The following HTR1E variants were observed in gnomAD, a reference collection of about 807,000 sequenced individuals.
HTR1E encodes 5-hydroxytryptamine receptor 1E.
Under a neutral mutation model 3.4 loss-of-function variants are expected in HTR1E, and 3 were observed. The ratio of observed to expected loss-of-function variants is 0.89; its 90% CI spans 0.41 to 2.31. The LOEUF (loss-of-function observed/expected upper bound fraction) is 2.31, where lower values mean the gene tolerates loss of function less well. Ranked by LOEUF, HTR1E falls within the 30% of genes most tolerant of loss-of-function variation. The probability of loss-of-function intolerance (pLI) is 0.05; values close to 1 mark genes in which losing one functional copy is unlikely to be tolerated. For synonymous variants in HTR1E, 170 were observed against 182.8 expected (o/e 0.93, Z 0.56); for missense variants, 392 against 467.0 (o/e 0.84, Z 1.48).
chr6:86,957,905 G>A (rs896743484), intron 1 of HTR1E, among the ~76,000 whole-genome samples: 1 of 152,206 alleles, frequency 6.6e-6, no homozygotes, highest in African/African-American at 2.4e-5. Context: ...AGTGGAGTGT[G>A]AGCAGAGAGG....
chr6:86,969,995 G>A (rs1767526901), intron 1 of HTR1E, among the ~76,000 whole-genome samples: 1 of 152,128 alleles, frequency 6.6e-6, no homozygotes, highest in Non-Finnish European at 1.5e-5. Context: ...CTGAAGCCCT[G>A]GATCAAACTG....
At position 87,016,502 on chromosome 6, in the gene HTR1E, TATTA is replaced by T; in HGVS notation, c.*74_*77del. The T allele has an allele frequency of 7.7e-7, 1 of 1,302,782 alleles. No homozygotes were observed. The allele number at this position is 1,302,782 out of a possible 1,614,324, so 80.7% of individuals were successfully genotyped here. A position where few individuals can be genotyped will look rare whatever the true frequency, so the allele number is the denominator to read the frequency against. ...GTGGATGGGGGTAAGGGGTGCAACTTATTAATTCTTGAACATACTTGGTTCAGGA... is the reference window on the plus strand; with the variant it reads ...GTGGATGGGGGTAAGGGGTGCAACTTATTCTTGAACATACTTGGTTCAGGA... On this transcript the variant is annotated 3_prime_UTR_variant, in exon 2 of 2. Transcript: ENST00000305344.
intron 1 of HTR1E, among the ~76,000 whole-genome samples, chr6:86,968,345 C>T (rs1228075848): frequency 6.6e-6 from 1 of 152,192 alleles, no homozygotes; most frequent in Non-Finnish European, 1.5e-5. Context: ...AGTGGAATTG[C>T]TGAGCCAAAG....
intron 1 of HTR1E, among the ~76,000 whole-genome samples, chr6:86,996,944 G>C (rs1767948298): frequency 1.3e-5 from 2 of 151,860 alleles, no homozygotes; most frequent in Admixed American, 1.3e-4. Context: ...TATCTTCCAT[G>C]AATATAGACA....
intron 1 of HTR1E, among the ~76,000 whole-genome samples, chr6:86,973,509 G>A (rs138315081): frequency 6.6e-6 from 1 of 152,114 alleles, no homozygotes; most frequent in Admixed American, 6.6e-5. Context: ...AAGAGATAGA[G>A]CACTGTAACC....
intron 1 of HTR1E, among the ~76,000 whole-genome samples, chr6:86,952,794 A>G (rs905713457): frequency 2.0e-5 from 3 of 152,200 alleles, no homozygotes; most frequent in African/African-American, 7.2e-5. Flanking sequence ...GAATGGTAAA[A>G]TTAGAAAGTT....
Position 86,937,628 on chromosome 6 carries a change from G to A in HTR1E, c.-381G>A, listed in dbSNP as rs1209279728. 1 of 152,810 alleles carries A rather than the reference G, an allele frequency of 6.5e-6. No homozygotes were observed. Among genetic ancestry groups the A allele is most frequent in the Non-Finnish European group, 1.5e-5 (1 of 68,174 alleles). 9.5% of individuals were successfully genotyped at this position (152,810 alleles called of 1,614,324 possible). ...CCCAGGTTCTGTCTCGCCGCACCCC[G>A]GCGGGCACTGGCGCGGGCAAGGACG... On this transcript the variant is annotated 5_prime_UTR_variant, in exon 1 of 2. Transcript: ENST00000305344.
intron 1 of HTR1E, among the ~76,000 whole-genome samples, chr6:86,986,321 T>A (rs1767786146): frequency 6.6e-6 from 1 of 151,950 alleles, no homozygotes; most frequent in Non-Finnish European, 1.5e-5. Flanking sequence ...TTATATAGGG[T>A]CACAATTCTA....
At chr6:86,961,710 C>T (rs939916420) in intron 1 of HTR1E, among the ~76,000 whole-genome samples, 1 of 152,294 alleles carries the variant, frequency 6.6e-6, no homozygotes, top group East Asian at 1.9e-4. Context: ...CTTTGAGCAC[C>T]GACTATAACC....
chr6:87,013,440 A>G (rs1218384219), intron 1 of HTR1E, among the ~76,000 whole-genome samples: 3 of 152,184 alleles, frequency 2.0e-5, no homozygotes, highest in South Asian at 2.1e-4. Context: ...CAAATCCCCA[A>G]AAAGGTCCTC....
In HTR1E at chr6:86,940,334, G is replaced by A. The variant is rs144449906; in HGVS notation, c.-186+2511G>A. ...GAGGATCACATGAGCCCATGAGTTC[G>A]AGACCAGCCTGAGCAAAATAATGAG... On this transcript the variant is annotated intron_variant, in intron 1 of 1. Coordinates refer to ENST00000305344, the MANE Select transcript of HTR1E (RefSeq NM_000865.3). Among the ~76,000 whole-genome samples, 1,195 of 152,120 alleles carry A rather than the reference G, an allele frequency of 7.9e-3. 19 individuals carry two copies. The highest frequency in any genetic ancestry group is 0.027 in the African/African-American group (1,123 of 41,512).
intron 1 of HTR1E, among the ~76,000 whole-genome samples, chr6:86,988,285 A>G (rs1767821234): frequency 6.6e-6 from 1 of 152,162 alleles, no homozygotes; most frequent in African/African-American, 2.4e-5. Flanking sequence ...TTACCACGGG[A>G]AGTACACTGC....
At chr6:87,005,455 T>A (rs922037960) in intron 1 of HTR1E, among the ~76,000 whole-genome samples, 1 of 152,134 alleles carries the variant, frequency 6.6e-6, no homozygotes, top group Non-Finnish European at 1.5e-5. Context: ...ATGAACTTAT[T>A]TTTGACAAAA....
At chr6:86,956,603 C>T (rs1231300231) in intron 1 of HTR1E, among the ~76,000 whole-genome samples, 2 of 152,066 alleles carry the variant, frequency 1.3e-5, no homozygotes, top group Non-Finnish European at 2.9e-5. Flanking sequence ...AACTTCTGAC[C>T]CCCTAAAATG....
chr6:86,971,955 T>TA (rs200059278), intron 1 of HTR1E, among the ~76,000 whole-genome samples: 2,387 of 152,300 alleles, frequency 0.016, 64 homozygotes, highest in African/African-American at 0.053. Flanking sequence ...AAAATTTACT[T>TA]AGTGTAATCT....
At chr6:86,952,498 G>GACACACACACAC (rs149359215) in intron 1 of HTR1E, among the ~76,000 whole-genome samples, 1 of 146,944 alleles carries the variant, frequency 6.8e-6, no homozygotes, top group African/African-American at 2.5e-5. Flanking sequence ...CACACACACA[G>GACACACACACAC]ACACACACAC....
chr6:86,971,058 A>C (rs1435198436), intron 1 of HTR1E: 17 of 510,966 alleles, frequency 3.3e-5, no homozygotes, highest in Admixed American at 3.2e-4. Flanking sequence ...TCAAAGAAGC[A>C]AATAACTTCC....
At chr6:86,964,769 T>C (rs964729649) in intron 1 of HTR1E, among the ~76,000 whole-genome samples, 1 of 152,208 alleles carries the variant, frequency 6.6e-6, no homozygotes, top group African/African-American at 2.4e-5. Context: ...TTGCTAATGT[T>C]TATTAATTCT....
chr6:86,971,166 A>C (rs942304721), intron 1 of HTR1E: 2 of 494,914 alleles, frequency 4.0e-6, no homozygotes, highest in African/African-American at 3.9e-5. Context: ...AGACCAGATC[A>C]ACAGGCCTAT....
Sources: gnomAD v4.1 joint callset for allele counts (sites outside exome capture counted in the v4.1 genomes callset) on GRCh38, gnomAD v4.1.1 for gene constraint, MANE v1.5 for transcripts, NCBI Gene and HGNC (gene_info 2026-07-23, HGNC 2026-07-21) for gene names.